Variants in MCTP1 observed in about 807,000 individuals in gnomAD.
MCTP1 encodes multiple C2 and transmembrane domain-containing protein 1.
A neutral mutation model predicts 120.6 loss-of-function variants in MCTP1; 69 were observed. The ratio of observed to expected loss-of-function variants is 0.57; its 90% CI spans 0.47 to 0.70. The LOEUF is 0.70. Ranked by LOEUF, MCTP1 falls within the 30% of genes least tolerant of loss-of-function variation. MCTP1 has a pLI of 0.00. For missense variants in MCTP1, 1,203 were observed against 1,248.8 expected (o/e 0.96, Z 0.55); for synonymous variants, 529 against 493.1 (o/e 1.07, Z -0.96).
intron 2 of MCTP1, among the ~76,000 whole-genome samples, chr5:94,978,756 G>GAATA (rs1270031999): frequency 6.6e-6 from 1 of 152,054 alleles, no homozygotes; most frequent in African/African-American, 2.4e-5. Flanking sequence ...TACACAAGAT[G>GAATA]AATACGTTTT....
At chr5:94,841,244 G>A (rs544726802) in intron 17 of MCTP1, among the ~76,000 whole-genome samples, 1 of 152,262 alleles carries the variant, frequency 6.6e-6, no homozygotes, top group South Asian at 2.1e-4. Context: ...AAACAATGGT[G>A]TTGCCAAGAA....
Position 95,138,220 on chromosome 5 carries a change from C to T in MCTP1, c.721-120736G>A, listed in dbSNP as rs373812167. Among the ~76,000 whole-genome samples, 22 of 150,314 alleles carry T rather than the reference C, an allele frequency of 1.5e-4. No homozygotes were observed. In the East Asian group the frequency reaches 3.9e-3, roughly 27 times the overall value. Reference sequence around the variant, plus strand: ...GTACCAAGATGCATTCATAGACTTTCCTGTGAGATGCAACCCCCCCCCGAC... The same window carrying T: ...GTACCAAGATGCATTCATAGACTTTTCTGTGAGATGCAACCCCCCCCCGAC... On this transcript the variant is annotated intron_variant, in intron 1 of 22. Transcript: ENST00000515393.
chr5:94,785,760 G>A lies in MCTP1; in HGVS notation c.2557-6597C>T, dbSNP rs1297914136. 5.3e-5 allele frequency among the ~76,000 whole-genome samples: 8 copies of A among 151,926 alleles called. No individual in the cohort carries two copies. The East Asian group carries it at 1.5e-3, about 29-fold the overall frequency. ...TGAAAATCTTAGAAATTGTTTTTAA[G>A]TGTCTAATAAAAGGTACACATTATT... On this transcript the variant is annotated intron_variant, in intron 18 of 22. Transcript: ENST00000515393.
intron 19 of MCTP1, among the ~76,000 whole-genome samples, chr5:94,740,643 C>A (rs1765306469): frequency 6.6e-6 from 1 of 152,094 alleles, no homozygotes; most frequent in Admixed American, 6.5e-5. Context: ...AATTTGTATG[C>A]AAAGTACGTA....
At chr5:94,802,036 C>T (rs1162953565) in intron 17 of MCTP1, among the ~76,000 whole-genome samples, 1 of 152,042 alleles carries the variant, frequency 6.6e-6, no homozygotes, top group Non-Finnish European at 1.5e-5. Flanking sequence ...ACATGGGCAC[C>T]AGAACATGGA....
intron 17 of MCTP1, among the ~76,000 whole-genome samples, chr5:94,866,455 C>A (rs1190695277): frequency 6.6e-6 from 1 of 151,614 alleles, no homozygotes; most frequent in Non-Finnish European, 1.5e-5. Context: ...CCAAAGTACT[C>A]TTACTCTGTT....
chr5:94,980,029 T>C (rs1395768270), intron 2 of MCTP1, among the ~76,000 whole-genome samples: 1 of 152,080 alleles, frequency 6.6e-6, no homozygotes, highest in Non-Finnish European at 1.5e-5. Context: ...TTGTGAAATA[T>C]CAAGTGATCA....
chr5:95,113,558 C>T (rs13169763), intron 1 of MCTP1, among the ~76,000 whole-genome samples: 73,496 of 152,000 alleles, frequency 0.48, 19,976 homozygotes, highest in Non-Finnish European at 0.62. Context: ...AGACTAAGCT[C>T]AGCTGATGCC....
At chr5:95,087,829 G>A (rs1436430727) in intron 1 of MCTP1, among the ~76,000 whole-genome samples, 1 of 152,108 alleles carries the variant, frequency 6.6e-6, no homozygotes, top group Non-Finnish European at 1.5e-5. Flanking sequence ...TGCTCATCAA[G>A]CTGCTTTCTG....
chr5:95,142,488 T>G (rs1760016317), intron 1 of MCTP1, among the ~76,000 whole-genome samples: 1 of 152,220 alleles, frequency 6.6e-6, no homozygotes, highest in South Asian at 2.1e-4. Flanking sequence ...CCTGCAGACA[T>G]ATGTGATCAA....
rs1750007735 is a variant in MCTP1 at position 95,193,140 on chromosome 5, T to C, written c.720+90716A>G. 2.0e-5 allele frequency among the ~76,000 whole-genome samples: 3 copies of C among 152,284 alleles called. No homozygotes were observed. The South Asian group carries it at 6.2e-4, about 32-fold the overall frequency. ...TTTAAAAACTAATTTTGGAGCATGA[T>C]AGAAGTTTAATAAACATCTAAAGAG... is the stretch of plus-strand genomic sequence containing the variant. On this transcript the variant is annotated intron_variant, in intron 1 of 22. Transcript: ENST00000515393.
chr5:94,978,480 AAAG>A (rs1357048136), intron 2 of MCTP1, among the ~76,000 whole-genome samples: 2 of 152,098 alleles, frequency 1.3e-5, no homozygotes, highest in African/African-American at 4.8e-5. Flanking sequence ...GCATGCATAA[AAAG>A]AAGATGTGGT....
chr5:95,090,239 C>T (rs1341066619), intron 1 of MCTP1, among the ~76,000 whole-genome samples: 2 of 152,056 alleles, frequency 1.3e-5, no homozygotes, highest in South Asian at 2.1e-4. Context: ...AATCACTTAA[C>T]GTTGAGGTGA....
chr5:94,834,806 T>TTC lies in MCTP1; in HGVS notation c.2436+33525_2436+33526dup, dbSNP rs1561716391. On this transcript the variant is annotated intron_variant, in intron 17 of 22. Coordinates refer to ENST00000515393, the MANE Select transcript of MCTP1 (RefSeq NM_024717.7). Reference sequence around the variant, plus strand: ...TTAATGATAATGTGTCATTATAACATTCTCTCTTTTTTTTTTTTTTTTTTT... The same window carrying TTC: ...TTAATGATAATGTGTCATTATAACATTCTCTCTCTTTTTTTTTTTTTTTTTTT... 1.1e-4 allele frequency among the ~76,000 whole-genome samples: 14 copies of TTC among 128,042 alleles called. 1 individual carries two copies. Among genetic ancestry groups the TTC allele is most frequent in the Admixed American group, 1.9e-4 (2 of 10,756 alleles). The allele number at this position is 128,042 out of a possible 152,430, so 84.0% of individuals were successfully genotyped here. A position where few individuals can be genotyped will look rare whatever the true frequency, so the allele number is the denominator to read the frequency against.
At chr5:95,204,939 C>T (rs189348853) in intron 1 of MCTP1, among the ~76,000 whole-genome samples, 1 of 152,234 alleles carries the variant, frequency 6.6e-6, no homozygotes, top group East Asian at 1.9e-4. Context: ...CCAGATTTAA[C>T]ACTCTATCAG....
At chr5:95,077,601 T>TAG (rs899653086) in intron 1 of MCTP1, among the ~76,000 whole-genome samples, 2 of 151,936 alleles carry the variant, frequency 1.3e-5, no homozygotes, top group African/African-American at 4.8e-5. Context: ...GCCTGCCGAG[T>TAG]AGCTGGGACT....
At chr5:95,228,278 G>T (rs1173184669) in intron 1 of MCTP1, among the ~76,000 whole-genome samples, 1 of 152,066 alleles carries the variant, frequency 6.6e-6, no homozygotes, top group African/African-American at 2.4e-5. Context: ...TCCAGCACAG[G>T]GCATTTGTAA....
chr5:95,129,310 T>C (rs576192944), intron 1 of MCTP1, among the ~76,000 whole-genome samples: 6 of 152,216 alleles, frequency 3.9e-5, no homozygotes, highest in Admixed American at 6.5e-5. Flanking sequence ...ACGGGATAAA[T>C]GTAACTCAGA....
chr5:95,005,862 CA>C (rs1160863671), intron 2 of MCTP1, among the ~76,000 whole-genome samples: 1 of 151,400 alleles, frequency 6.6e-6, no homozygotes, highest in East Asian at 1.9e-4. Context: ...ATTAATAAAA[CA>C]AGTAAGATAA....
Sources: allele counts gnomAD v4.1 joint callset (sites outside exome capture counted in the v4.1 genomes callset), GRCh38; gene constraint gnomAD v4.1.1; transcripts MANE v1.5; gene names NCBI Gene and HGNC (gene_info 2026-07-23, HGNC 2026-07-21).